VDAC1: variants seen among roughly 807,000 people sequenced by gnomAD.
VDAC1 encodes non-selective voltage-gated ion channel VDAC1.
Under a neutral mutation model 34.7 loss-of-function variants are expected in VDAC1, and 10 were observed. The observed-to-expected ratio is 0.29, with a 90% confidence interval of 0.18 to 0.49. VDAC1 has a LOEUF of 0.49. VDAC1 is among the 20% of genes least tolerant of loss of function. The pLI, the probability that VDAC1 is intolerant of heterozygous loss-of-function variation, is 0.99. For synonymous variants in VDAC1, 130 were observed against 136.0 expected, an observed-to-expected ratio of 0.96 and a Z score of 0.30; for missense variants, 230 against 347.9, an observed-to-expected ratio of 0.66 and a Z score of 2.69.
chr5:133,985,136 T>C (rs746542505), intron 5 of VDAC1, among the ~76,000 whole-genome samples: 4 of 152,154 alleles, frequency 2.6e-5, no homozygotes, highest in Non-Finnish European at 4.4e-5. Context: ...TCGCTTCTAT[T>C]TGTAAGTCTC....
At chr5:134,017,764 T>G in the VDAC1 span, among the ~76,000 whole-genome samples, 1 of 151,840 alleles carries the variant, frequency 6.6e-6, no homozygotes, top group African/African-American at 2.4e-5. Flanking sequence ...ATACAAAAAA[T>G]TAGCCGGGCT....
At chr5:134,012,043 G>A in the VDAC1 span, among the ~76,000 whole-genome samples, 13 of 151,808 alleles carry the variant, frequency 8.6e-5, no homozygotes, top group African/African-American at 3.1e-4. Flanking sequence ...GAGAGAGAAA[G>A]AAAGAAAAAG....
chr5:134,093,397 C>T, the VDAC1 span, among the ~76,000 whole-genome samples: 1 of 152,004 alleles, frequency 6.6e-6, no homozygotes, highest in Non-Finnish European at 1.5e-5. Flanking sequence ...AGGTTGTGTT[C>T]CTTTAGAGCG....
At chr5:134,113,698 C>T in the VDAC1 span, among the ~76,000 whole-genome samples, 1 of 152,272 alleles carries the variant, frequency 6.6e-6, no homozygotes, top group Non-Finnish European at 1.5e-5. Flanking sequence ...CCGTGGAGGC[C>T]CGCGTGGACG....
chr5:134,083,192 T>TC, the VDAC1 span, among the ~76,000 whole-genome samples: 1 of 144,846 alleles, frequency 6.9e-6, no homozygotes, highest in Admixed American at 6.8e-5. Flanking sequence ...TTTTTTTTCT[T>TC]TTTTTTTTTT....
the VDAC1 span, among the ~76,000 whole-genome samples, chr5:134,015,635 TC>T: frequency 6.6e-6 from 1 of 151,970 alleles, no homozygotes; most frequent in Non-Finnish European, 1.5e-5. Flanking sequence ...ATTTTTTTTT[TC>T]TTTTTTGAAT....
the VDAC1 span, among the ~76,000 whole-genome samples, chr5:134,089,567 G>T: frequency 2.0e-5 from 3 of 152,294 alleles, no homozygotes; most frequent in Admixed American, 6.5e-5. Context: ...GAGGAGAGGT[G>T]GGGGGAGCCA....
chr5:134,058,320 T>C, the VDAC1 span, among the ~76,000 whole-genome samples: 1 of 151,582 alleles, frequency 6.6e-6, no homozygotes, highest in African/African-American at 2.4e-5. Context: ...TTTTGTTTTT[T>C]GTTTTTTTTT....
upstream of VDAC1, among the ~76,000 whole-genome samples, chr5:134,009,622 G>A (rs1205723238): frequency 2.6e-5 from 4 of 152,040 alleles, no homozygotes; most frequent in African/African-American, 4.8e-5. Context: ...ATGAGACTAT[G>A]AGTGATTTTT....
chr5:134,069,102 C>T, the VDAC1 span, among the ~76,000 whole-genome samples: 1 of 151,736 alleles, frequency 6.6e-6, no homozygotes, highest in African/African-American at 2.4e-5. Context: ...AGCCACCCCC[C>T]ATGTTTTACT....
At chr5:134,050,122 G>A in the VDAC1 span, among the ~76,000 whole-genome samples, 1 of 152,020 alleles carries the variant, frequency 6.6e-6, no homozygotes, top group African/African-American at 2.4e-5. Flanking sequence ...GATGGTAGGC[G>A]CCTGTAGTCC....
At chr5:134,100,191 G>A in the VDAC1 span, among the ~76,000 whole-genome samples, 1 of 152,222 alleles carries the variant, frequency 6.6e-6, no homozygotes, top group Non-Finnish European at 1.5e-5. Flanking sequence ...ATAGACCCTA[G>A]CAGTGGCCTG....
At chr5:133,976,095 C>A in intron 6 of VDAC1, 74 bp from the exon 7 acceptor site, 2 of 1,584,322 alleles carry the variant, frequency 1.3e-6, no homozygotes, top group Non-Finnish European at 8.7e-7. Flanking sequence ...CCACCCAAGT[C>A]TCCCAGAAGA....
the VDAC1 span, among the ~76,000 whole-genome samples, chr5:134,018,118 T>C: frequency 6.6e-6 from 1 of 152,178 alleles, no homozygotes; most frequent in African/African-American, 2.4e-5. Flanking sequence ...TTCTGCAGGC[T>C]GCACAAAAAA....
chr5:134,010,262 T>C, the VDAC1 span, among the ~76,000 whole-genome samples: 1 of 152,072 alleles, frequency 6.6e-6, no homozygotes, highest in African/African-American at 2.4e-5. Context: ...AGCTTGGGCA[T>C]ATTGAATCAC....
At chr5:134,085,722 TAAAAAAAA>T in the VDAC1 span, among the ~76,000 whole-genome samples, 3,248 of 44,254 alleles carry the variant, frequency 0.073, 150 homozygotes, top group Middle Eastern at 0.27. Context: ...ACCCCATTTC[TAAAAAAAA>T]AAAAAAAAAA....
intron 3 of VDAC1, 88 bp from the exon 4 acceptor site, chr5:133,991,242 A>G: frequency 6.5e-7 from 1 of 1,538,008 alleles, no homozygotes; most frequent in Non-Finnish European, 8.8e-7. Flanking sequence ...GCCTTTCTGC[A>G]AGAGGCAAGA....
At chr5:134,071,106 C>G in the VDAC1 span, among the ~76,000 whole-genome samples, 1 of 152,216 alleles carries the variant, frequency 6.6e-6, no homozygotes. The surrounding 1 kb of genome is among the most constrained non-coding windows in gnomAD (Gnocchi z 4.1). Context: ...AGGGGTTAAC[C>G]CAACACACCT....
rs10717143 is a variant in VDAC1, at chr5:134,001,715, T to TAA, written c.-7+3178_-7+3179dup. Among the ~76,000 whole-genome samples, 847 of 110,416 alleles carry TAA rather than the reference T, an allele frequency of 7.7e-3. 15 individuals are homozygous for TAA. The highest frequency in any genetic ancestry group is 0.023 in the African/African-American group (643 of 27,870). The allele number at this position is 110,416 out of a possible 152,430, so 72.4% of individuals were successfully genotyped here. On this transcript the variant is annotated intron_variant, in intron 1 of 8. Coordinates refer to ENST00000265333, the MANE Select transcript of VDAC1 (RefSeq NM_003374.3). ...CTGGGCAACAGAGTGAGACTCCATC[T>TAA]AAAAAAAAAAAAAAAAAAAAGAGAG...
Sources: gnomAD v4.1 joint callset for allele counts (sites outside exome capture counted in the v4.1 genomes callset) on GRCh38, gnomAD v4.1.1 for gene constraint, Gnocchi (gnomAD v3.1) non-coding constraint, MANE v1.5 for transcripts, NCBI Gene and HGNC (gene_info 2026-07-23, HGNC 2026-07-21) for gene names.